SH3BGR: variants seen among roughly 807,000 people sequenced by gnomAD.
SH3BGR encodes the protein SH3 domain-binding glutamic acid-rich protein.
SH3BGR carries 29 observed loss-of-function variants against 24.5 expected under a neutral mutation model. That is an observed-to-expected ratio of 1.18 (90% CI 0.88 to 1.61). The LOEUF is 1.61. SH3BGR is among the 40% of genes most tolerant of loss of function. The pLI, the probability that SH3BGR is intolerant of heterozygous loss-of-function variation, is 0.00. For missense variants in SH3BGR, 162 were observed against 205.8 expected, an observed-to-expected ratio of 0.79 and a Z score of 1.30; for synonymous variants, 55 against 65.7, an observed-to-expected ratio of 0.84 and a Z score of 0.79.
intron 3 of SH3BGR, among the ~76,000 whole-genome samples, chr21:39,477,927 G>A (rs1016824943): frequency 6.6e-6 from 1 of 152,086 alleles, no homozygotes; most frequent in Admixed American, 6.5e-5. Flanking sequence ...TGTGAAATAC[G>A]TATACATTGT....
intron 2 of SH3BGR, among the ~76,000 whole-genome samples, chr21:39,470,573 T>C (rs1222087215): frequency 6.6e-6 from 1 of 152,214 alleles, no homozygotes; most frequent in Non-Finnish European, 1.5e-5. Flanking sequence ...GTCCCAAACA[T>C]TAAAAGGGCC....
At chr21:39,448,592 A>G (rs2077537733), upstream of SH3BGR, among the ~76,000 whole-genome samples, 1 of 152,202 alleles carries the variant, frequency 6.6e-6, no homozygotes, top group African/African-American at 2.4e-5. Flanking sequence ...CGGGAGGCTG[A>G]GGCAGGAGAT....
intron 1 of SH3BGR, among the ~76,000 whole-genome samples, chr21:39,455,075 A>G (rs2077633360): frequency 6.6e-6 from 1 of 152,230 alleles, no homozygotes; most frequent in Admixed American, 6.5e-5. Context: ...GCTTTATACT[A>G]CAGTACAGTG....
rs946227980 is a variant in SH3BGR, at chr21:39,511,030, C to T, written c.436-650C>T. ...TGTACACTTAGGTGGGATTATAAAACCTGTTAGGATTAACATATCATTCTA... is the reference window on the plus strand; with the variant it reads ...TGTACACTTAGGTGGGATTATAAAATCTGTTAGGATTAACATATCATTCTA... On this transcript the variant is annotated intron_variant, in intron 5 of 6. Coordinates refer to ENST00000333634, the MANE Select transcript of SH3BGR (RefSeq NM_007341.3). This position sits in a 1 kb window ranked among gnomAD's most constrained non-coding sequence, Gnocchi z 4.2. Among the ~76,000 whole-genome samples the T allele has an allele frequency of 2.0e-5, 3 of 147,960 alleles. No individual in the cohort carries two copies. Among genetic ancestry groups the T allele is most frequent in the Admixed American group, 6.9e-5 (1 of 14,572 alleles).
intron 3 of SH3BGR, among the ~76,000 whole-genome samples, chr21:39,480,746 A>T (rs554385734): frequency 6.6e-6 from 1 of 152,330 alleles, no homozygotes; most frequent in African/African-American, 2.4e-5. Context: ...AAAAATTCAG[A>T]TGCCTGAGTT....
At chr21:39,508,159 G>A (rs548887523) in intron 4 of SH3BGR, among the ~76,000 whole-genome samples, 4 of 152,252 alleles carry the variant, frequency 2.6e-5, no homozygotes, top group South Asian at 2.1e-4. Flanking sequence ...AGTGCCCCCC[G>A]TCCATGATTC....
chr21:39,460,114 G>A (rs2077730796), intron 1 of SH3BGR, among the ~76,000 whole-genome samples: 1 of 152,324 alleles, frequency 6.6e-6, no homozygotes, highest in East Asian at 1.9e-4. Flanking sequence ...TACACAGGTA[G>A]AGAAAGGACA....
intron 3 of SH3BGR, among the ~76,000 whole-genome samples, chr21:39,492,245 C>T (rs1276658977): frequency 2.0e-5 from 3 of 152,050 alleles, no homozygotes; most frequent in Non-Finnish European, 4.4e-5. Context: ...CACCCTTTCC[C>T]CCTGAGTCCC....
At chr21:39,514,862 T>C (rs2078755753) in intron 6 of SH3BGR, among the ~76,000 whole-genome samples, 1 of 152,248 alleles carries the variant, frequency 6.6e-6, no homozygotes, top group African/African-American at 2.4e-5. Flanking sequence ...AGATGTTGTC[T>C]TCCTTATGGT....
At chr21:39,512,345 C>T (rs187330746) in intron 6 of SH3BGR, among the ~76,000 whole-genome samples, 10 of 152,256 alleles carry the variant, frequency 6.6e-5, no homozygotes, top group Admixed American at 5.2e-4. Context: ...ACTCCATTTC[C>T]GTTTCTATTA....
intron 2 of SH3BGR, among the ~76,000 whole-genome samples, chr21:39,466,062 T>C (rs1174555942): frequency 6.6e-6 from 1 of 152,192 alleles, no homozygotes; most frequent in Non-Finnish European, 1.5e-5. Flanking sequence ...TGTGTATATA[T>C]ATATGTAGGA....
chr21:39,476,595 G>A (rs989342905), intron 3 of SH3BGR, among the ~76,000 whole-genome samples: 1 of 152,230 alleles, frequency 6.6e-6, no homozygotes, highest in South Asian at 2.1e-4. Context: ...GCTTGCTGCC[G>A]GTTCCCTAGC....
chr21:39,482,136 A>C (rs933329802), intron 3 of SH3BGR, among the ~76,000 whole-genome samples: 1 of 152,222 alleles, frequency 6.6e-6, no homozygotes, highest in Non-Finnish European at 1.5e-5. Flanking sequence ...TTTCACCTGC[A>C]TCCAATCCAG....
chr21:39,514,654 G>A (rs1339122090), intron 6 of SH3BGR, among the ~76,000 whole-genome samples: 7 of 152,134 alleles, frequency 4.6e-5, no homozygotes, highest in South Asian at 2.1e-4. Flanking sequence ...GAACCACCAC[G>A]TCTGACCTAG....
chr21:39,485,598 G>A (rs974354846), intron 3 of SH3BGR, among the ~76,000 whole-genome samples: 2 of 152,082 alleles, frequency 1.3e-5, no homozygotes, highest in African/African-American at 2.4e-5. Context: ...GTGGATCTTG[G>A]GTTAGTCGTC....
At position 39,456,523 on chromosome 21, in the gene SH3BGR, GA is replaced by G. The variant is rs2077656631; in HGVS notation, c.45+4385del. On this transcript the variant is annotated intron_variant, in intron 1 of 6. Coordinates refer to ENST00000333634, the MANE Select transcript of SH3BGR (RefSeq NM_007341.3). Reference sequence around the variant, plus strand: ...TTTGTAATGTTGAAAATTCAGCCGTGAAACTGTGGAATTTGGAGCAGTTTCC... The same window carrying G: ...TTTGTAATGTTGAAAATTCAGCCGTGAACTGTGGAATTTGGAGCAGTTTCC... Among the ~76,000 whole-genome samples, 3 of 152,172 alleles carry G rather than the reference GA, an allele frequency of 2.0e-5. No individual in the cohort carries two copies. The South Asian group carries it at 6.2e-4, about 32-fold the overall frequency.
At chr21:39,504,275 G>A (rs567039291) in intron 4 of SH3BGR, among the ~76,000 whole-genome samples, 2 of 152,274 alleles carry the variant, frequency 1.3e-5, no homozygotes, top group East Asian at 3.9e-4. Flanking sequence ...GTAGGTTTGT[G>A]GGAGGAGTCA....
At chr21:39,451,539 G>A (rs11575944), upstream of SH3BGR, among the ~76,000 whole-genome samples, 53,882 of 152,004 alleles carry the variant, frequency 0.35, 11,632 homozygotes, top group East Asian at 0.67. Flanking sequence ...AAAAAACAAA[G>A]TTGCTCTTTA....
chr21:39,464,597 A>G (rs1254522052), intron 2 of SH3BGR, among the ~76,000 whole-genome samples: 1 of 152,252 alleles, frequency 6.6e-6, no homozygotes, highest in African/African-American at 2.4e-5. Flanking sequence ...GCAGAGGGCT[A>G]TACAAACTTA....
Sources: gnomAD v4.1 joint callset for allele counts (sites outside exome capture counted in the v4.1 genomes callset) on GRCh38, gnomAD v4.1.1 for gene constraint, Gnocchi (gnomAD v3.1) non-coding constraint, MANE v1.5 for transcripts, NCBI Gene and HGNC (gene_info 2026-07-23, HGNC 2026-07-21) for gene names.